GLIS3: variants seen among roughly 807,000 people sequenced by gnomAD.
GLIS3 encodes GLIS family zinc finger 3, also known as zinc finger protein GLIS3.
In GLIS3, 53 loss-of-function variants were observed where a neutral mutation model predicts 78.6. The observed-to-expected ratio is 0.67, with a 90% CI of 0.54 to 0.85. The LOEUF is 0.85. Among genes scored for constraint, GLIS3 ranks in the 40% least tolerant of loss-of-function variants. GLIS3 has a pLI of 0.00. For missense variants in GLIS3, 1,703 were observed against 1,231.1 expected (o/e 1.38, Z -5.74); for synonymous variants, 684 against 509.9 (o/e 1.34, Z -4.60).
chr9:4,028,568 G>A (rs1474762568), intron 4 of GLIS3, among the ~76,000 whole-genome samples: 1 of 152,146 alleles, frequency 6.6e-6, no homozygotes, highest in African/African-American at 2.4e-5. Context: ...TTTTCACAAA[G>A]TGACATACCT....
chr9:3,958,355 G>A (rs11791772), intron 4 of GLIS3, among the ~76,000 whole-genome samples: 14,695 of 152,050 alleles, frequency 0.097, 749 homozygotes, highest in Middle Eastern at 0.14. Context: ...TTCCTACATC[G>A]ATTCTTTTTT....
In GLIS3 at chr9:4,118,912, A is replaced by G. The variant is rs754589648; in HGVS notation, c.597-31T>C. The G allele has an allele frequency of 6.3e-7, 1 of 1,595,922 alleles. No homozygotes were observed. The highest frequency in any genetic ancestry group is 1.7e-5 in the Admixed American group (1 of 59,272). ...ACAGCAGCCAGAAAGGAAGAAAAAA[A>G]AAAGATAAACATTTTAGCAGGATAC... On this transcript the variant is annotated intron_variant, in intron 3 of 10. Transcript: ENST00000381971. This position sits in a 1 kb window ranked among gnomAD's most constrained non-coding sequence, Gnocchi z 4.7.
intron 4 of GLIS3, among the ~76,000 whole-genome samples, chr9:3,978,569 C>T (rs1818971137): frequency 6.6e-6 from 1 of 151,694 alleles, no homozygotes; most frequent in Non-Finnish European, 1.5e-5. Flanking sequence ...GAATCAATCC[C>T]CTCTTGCTGG....
At chr9:4,287,286 A>C (rs1828083835) in intron 1 of GLIS3, among the ~76,000 whole-genome samples, 1 of 152,214 alleles carries the variant, frequency 6.6e-6, no homozygotes, top group Non-Finnish European at 1.5e-5. Context: ...TGACCTGTCC[A>C]GTATGTACAT....
the GLIS3 span, among the ~76,000 whole-genome samples, chr9:4,408,691 C>T: frequency 8.2e-6 from 1 of 122,326 alleles, no homozygotes; most frequent in Non-Finnish European, 1.6e-5. Context: ...CACGCCACCG[C>T]ACTCCAGCCT....
intron 2 of GLIS3, among the ~76,000 whole-genome samples, chr9:4,280,679 G>A (rs992275197): frequency 6.6e-6 from 1 of 152,144 alleles, no homozygotes; most frequent in Non-Finnish European, 1.5e-5. Context: ...TGGGAAAGCT[G>A]TTTGAAGAGG....
chr9:4,289,968 C>T (rs1353676466), intron 1 of GLIS3, among the ~76,000 whole-genome samples: 1 of 152,080 alleles, frequency 6.6e-6, no homozygotes, highest in Non-Finnish European at 1.5e-5. Flanking sequence ...TGACTTTAAT[C>T]AAAATATAAA....
chr9:3,937,241 G>C (rs764368451), intron 4 of GLIS3, 52 bp from the exon 5 acceptor site: 1 of 1,593,770 alleles, frequency 6.3e-7, no homozygotes, highest in Admixed American at 1.7e-5. Context: ...GAATGTTTGA[G>C]TCTGGGGGAC....
intron 6 of GLIS3, among the ~76,000 whole-genome samples, chr9:3,906,265 G>C (rs537405172): frequency 6.6e-6 from 1 of 152,334 alleles, no homozygotes; most frequent in African/African-American, 2.4e-5. Context: ...TCTGATTACT[G>C]TGCAGAATAC....
At chr9:4,230,842 C>T (rs1282658593) in intron 2 of GLIS3, among the ~76,000 whole-genome samples, 1 of 152,176 alleles carries the variant, frequency 6.6e-6, no homozygotes, top group Non-Finnish European at 1.5e-5. Context: ...AAAGCCAAAT[C>T]CCCCATCCAA....
At chr9:4,359,975 T>C in the GLIS3 span, among the ~76,000 whole-genome samples, 1 of 151,850 alleles carries the variant, frequency 6.6e-6, no homozygotes, top group East Asian at 1.9e-4. Context: ...AGTGTGTTTA[T>C]ATATACATAT....
At chr9:3,861,170 G>A (rs1465717457) in intron 8 of GLIS3, among the ~76,000 whole-genome samples, 1 of 152,188 alleles carries the variant, frequency 6.6e-6, no homozygotes, top group Non-Finnish European at 1.5e-5. Context: ...GTGTTCGAGA[G>A]CTGTGTAAGA....
chr9:3,990,344 T>C (rs1265782157), intron 4 of GLIS3, among the ~76,000 whole-genome samples: 2 of 152,188 alleles, frequency 1.3e-5, no homozygotes. Flanking sequence ...AACTGGCAAT[T>C]ACTGATACCA....
chr9:4,256,207 G>C (rs1326346613), intron 2 of GLIS3, among the ~76,000 whole-genome samples: 2 of 152,112 alleles, frequency 1.3e-5, no homozygotes, highest in African/African-American at 2.4e-5. Flanking sequence ...ATGAGAATAA[G>C]AGAGGCAATA....
intron 2 of GLIS3, among the ~76,000 whole-genome samples, chr9:4,243,939 T>C (rs961934626): frequency 6.6e-6 from 1 of 152,240 alleles, no homozygotes; most frequent in Non-Finnish European, 1.5e-5. Context: ...ACTATTCCAC[T>C]TTTTTGTATT....
chr9:4,013,706 G>C (rs1822218109), intron 4 of GLIS3, among the ~76,000 whole-genome samples: 1 of 152,162 alleles, frequency 6.6e-6, no homozygotes, highest in Non-Finnish European at 1.5e-5. Context: ...TCCAGTCAGT[G>C]CTTGATCTTT....
At chr9:4,023,189 C>T (rs931984422) in intron 4 of GLIS3, among the ~76,000 whole-genome samples, 5 of 152,068 alleles carry the variant, frequency 3.3e-5, no homozygotes, top group African/African-American at 1.2e-4. Flanking sequence ...GTGGCCAGTC[C>T]TTACCCAGTG....
At chr9:4,359,573 CTAAA>C in the GLIS3 span, among the ~76,000 whole-genome samples, 1 of 152,140 alleles carries the variant, frequency 6.6e-6, no homozygotes, top group East Asian at 1.9e-4. Context: ...AACAGACCCA[CTAAA>C]TGTTTTATTT....
chr9:4,473,255 G>C, the GLIS3 span, among the ~76,000 whole-genome samples: 1 of 152,032 alleles, frequency 6.6e-6, no homozygotes, highest in Non-Finnish European at 1.5e-5. Flanking sequence ...AGATCAGCCT[G>C]ACCATCATGG....
Sources: gnomAD v4.1 joint callset for allele counts (sites outside exome capture counted in the v4.1 genomes callset) on GRCh38, gnomAD v4.1.1 for gene constraint, Gnocchi (gnomAD v3.1) non-coding constraint, MANE v1.5 for transcripts, NCBI Gene and HGNC (gene_info 2026-07-23, HGNC 2026-07-21) for gene names.